Variants in RBFOX1 observed in about 807,000 individuals in gnomAD.
The protein encoded by RBFOX1 is RNA binding fox-1 homolog 1.
RBFOX1 carries 8 observed loss-of-function variants against 57.7 expected under a neutral mutation model. That is an observed-to-expected ratio of 0.14 (90% CI 0.08 to 0.25). The LOEUF is 0.25. Among genes scored for constraint, RBFOX1 ranks in the 10% least tolerant of loss-of-function variants. RBFOX1 has a pLI of 1.00. For missense variants in RBFOX1, 611 were observed against 548.5 expected (o/e 1.11, Z -1.14); for synonymous variants, 326 against 222.4 (o/e 1.47, Z -4.15).
chr16:7,265,541 C>T (rs1035901245), intron 4 of RBFOX1, among the ~76,000 whole-genome samples: 2 of 152,036 alleles, frequency 1.3e-5, no homozygotes, highest in Non-Finnish European at 2.9e-5. Context: ...CTCCGCCTCC[C>T]GTGTTGAAGC....
At chr16:7,150,571 C>G (rs1207774578) in intron 4 of RBFOX1, among the ~76,000 whole-genome samples, 1 of 152,194 alleles carries the variant, frequency 6.6e-6, no homozygotes, top group African/African-American at 2.4e-5. Flanking sequence ...GATATTTTCT[C>G]TATTACATTA....
At chr16:6,099,505 T>G (rs1188976770) in intron 1 of RBFOX1, among the ~76,000 whole-genome samples, 1 of 152,202 alleles carries the variant, frequency 6.6e-6, no homozygotes, top group Non-Finnish European at 1.5e-5. Flanking sequence ...GAATGCTGAT[T>G]GCTGATTGCC....
At chr16:6,579,035 T>C (rs1440809987) in intron 2 of RBFOX1, among the ~76,000 whole-genome samples, 1 of 152,118 alleles carries the variant, frequency 6.6e-6, no homozygotes, top group Non-Finnish European at 1.5e-5. Context: ...TCCCAAAACC[T>C]ATGAAAATAT....
chr16:5,793,597 C>A (rs759055650), intron 3 of RBFOX1, among the ~76,000 whole-genome samples: 2 of 152,176 alleles, frequency 1.3e-5, no homozygotes, highest in Non-Finnish European at 2.9e-5. Context: ...CTCTTCACCT[C>A]CTCATCTTAC....
chr16:7,393,465 A>G (rs2098081138), intron 4 of RBFOX1, among the ~76,000 whole-genome samples: 1 of 152,158 alleles, frequency 6.6e-6, no homozygotes, highest in Non-Finnish European at 1.5e-5. Context: ...TAGTTTCTAT[A>G]TAATTTTCCT....
chr16:7,392,947 C>T (rs539494150), intron 4 of RBFOX1, among the ~76,000 whole-genome samples: 116 of 152,268 alleles, frequency 7.6e-4, no homozygotes, highest in African/African-American at 2.6e-3. Context: ...GATCTCGGCT[C>T]ACTGCAACCT....
At chr16:7,062,327 A>G (rs2054596641) in intron 4 of RBFOX1, among the ~76,000 whole-genome samples, 2 of 150,310 alleles carry the variant, frequency 1.3e-5, no homozygotes, top group African/African-American at 2.5e-5. Context: ...CAAAAAAAAA[A>G]AAAAAAAAAA....
At chr16:5,930,714 G>A (rs1259306079) in intron 4 of RBFOX1, among the ~76,000 whole-genome samples, 9 of 115,802 alleles carry the variant, frequency 7.8e-5, no homozygotes, top group Non-Finnish European at 1.4e-4. Context: ...GGTTGGGTAG[G>A]TGGGAGGGTG....
chr16:7,189,616 A>C (rs1314583670), intron 4 of RBFOX1, among the ~76,000 whole-genome samples: 1 of 150,678 alleles, frequency 6.6e-6, no homozygotes, highest in Admixed American at 6.6e-5. Flanking sequence ...CACATAAGCC[A>C]CTCTATGCAG....
intron 14 of RBFOX1, among the ~76,000 whole-genome samples, chr16:7,689,391 A>G (rs1043879176): frequency 1.3e-5 from 2 of 152,172 alleles, no homozygotes; most frequent in Non-Finnish European, 2.9e-5. Flanking sequence ...AAGGTTGCCC[A>G]AACTTCAAGG....
At chr16:5,799,852 A>C (rs773113259) in intron 3 of RBFOX1, among the ~76,000 whole-genome samples, 2 of 152,144 alleles carry the variant, frequency 1.3e-5, no homozygotes, top group African/African-American at 4.8e-5. Context: ...TAGTTCCCAG[A>C]ATATAGTGTG....
chr16:6,557,263 A>G (rs906377464), intron 2 of RBFOX1, among the ~76,000 whole-genome samples: 3 of 151,568 alleles, frequency 2.0e-5, no homozygotes, highest in Non-Finnish European at 4.4e-5. Flanking sequence ...CGGGTGATGC[A>G]TGACACCCAT....
At chr16:7,454,991 G>T (rs1311919560) in intron 4 of RBFOX1, among the ~76,000 whole-genome samples, 1 of 152,138 alleles carries the variant, frequency 6.6e-6, no homozygotes, top group South Asian at 2.1e-4. Flanking sequence ...CATTTTTTAT[G>T]ATTTTGCTCA....
intron 3 of RBFOX1, chr16:6,704,524 C>T (rs949175741): frequency 1.3e-5 from 2 of 152,248 alleles, no homozygotes; most frequent in African/African-American, 4.8e-5. Flanking sequence ...GTATTCTACA[C>T]CCCCCTTGGG....
At chr16:5,469,830 TTC>T (rs1254904871) in intron 2 of RBFOX1, among the ~76,000 whole-genome samples, 1 of 152,224 alleles carries the variant, frequency 6.6e-6, no homozygotes, top group Non-Finnish European at 1.5e-5. Context: ...TATCGTAGCA[TTC>T]TCTCCTTTTT....
In RBFOX1 at chr16:6,368,704, G is replaced by A. The variant is rs185380407; in HGVS notation, c.-64+51647G>A. On this transcript the variant is annotated intron_variant, in intron 2 of 15. Coordinates refer to ENST00000550418, the MANE Select transcript of RBFOX1 (RefSeq NM_018723.4). ...TCATTCACCATTCATTGAACAAATG[G>A]TTATCAATTAGTCATATGTACCAGT... 2.6e-5 allele frequency among the ~76,000 whole-genome samples: 4 copies of A among 152,252 alleles called. No individual in the cohort carries two copies. The East Asian group carries it at 5.8e-4, about 22-fold the overall frequency.
intron 3 of RBFOX1, among the ~76,000 whole-genome samples, chr16:5,709,323 G>A (rs1051034669): frequency 2.0e-5 from 3 of 152,218 alleles, no homozygotes; most frequent in Non-Finnish European, 4.4e-5. Context: ...TTTGGGAAGA[G>A]TAAGGAATGG....
chr16:6,698,326 G>T (rs1472843238), intron 3 of RBFOX1, among the ~76,000 whole-genome samples: 1 of 152,142 alleles, frequency 6.6e-6, no homozygotes, highest in African/African-American at 2.4e-5. Flanking sequence ...GATATATGAG[G>T]ATGTGGGAAA....
At position 6,620,002 on chromosome 16, in the gene RBFOX1, C is replaced by A. The variant is rs193032858; in HGVS notation, c.-63-34601C>A. ...GCGTTAGTTTGCTAAGTGTAATGGC[C>A]TCCACTTCCATCCATGTTCCTGCAA... is the stretch of plus-strand genomic sequence containing the variant. On this transcript the variant is annotated intron_variant, in intron 2 of 15. Transcript: ENST00000550418. Among the ~76,000 whole-genome samples, 30 of 152,240 alleles carry A rather than the reference C, an allele frequency of 2.0e-4. 1 individual carries two copies. The East Asian group carries it at 4.6e-3, about 24-fold the overall frequency.
Sources: gnomAD v4.1 joint callset for allele counts (sites outside exome capture counted in the v4.1 genomes callset) on GRCh38, gnomAD v4.1.1 for gene constraint, MANE v1.5 for transcripts, NCBI Gene and HGNC (gene_info 2026-07-23, HGNC 2026-07-21) for gene names.